Variants in RANBP2 observed in about 807,000 individuals in gnomAD.
RANBP2 encodes RAN binding protein 2.
A neutral mutation model predicts 303.6 loss-of-function variants in RANBP2; 57 were observed. The observed-to-expected ratio is 0.19, with a 90% CI of 0.15 to 0.23. The LOEUF is 0.23. Ranked by LOEUF, RANBP2 falls within the 10% of genes least tolerant of loss-of-function variation. The probability of loss-of-function intolerance (pLI) is 1.00; values close to 1 mark genes in which losing one functional copy is unlikely to be tolerated. For missense variants in RANBP2, 3,138 were observed against 3,780.8 expected (o/e 0.83, Z 4.46); for synonymous variants, 1,167 against 1,301.5 (o/e 0.90, Z 2.23).
the RANBP2 span, among the ~76,000 whole-genome samples, chr2:109,674,496 G>A: frequency 6.6e-6 from 1 of 151,218 alleles, no homozygotes; most frequent in African/African-American, 2.4e-5. Context: ...AGGCGGGATT[G>A]CTTGAGCCCA....
At chr2:109,614,494 A>C in the RANBP2 span, 1 of 1,239,310 alleles carries the variant, frequency 8.1e-7, no homozygotes, top group East Asian at 3.3e-5. Context: ...TCGAGGATGG[A>C]GGGGCCGGCA....
the RANBP2 span, among the ~76,000 whole-genome samples, chr2:109,312,347 C>A: frequency 6.6e-6 from 1 of 152,082 alleles, no homozygotes; most frequent in Non-Finnish European, 1.5e-5. Context: ...ACAAGTTTAA[C>A]GGGTTTTTTA....
chr2:109,087,403 A>C, the RANBP2 span, among the ~76,000 whole-genome samples: 2 of 152,112 alleles, frequency 1.3e-5, no homozygotes, highest in Non-Finnish European at 2.9e-5. Context: ...AGATGTAGCA[A>C]CGGACGCGCC....
At chr2:109,148,063 G>A in the RANBP2 span, among the ~76,000 whole-genome samples, 147 of 152,256 alleles carry the variant, frequency 9.7e-4, no homozygotes, top group African/African-American at 3.4e-3. Context: ...TGTGGAATTC[G>A]AGTTCAGGGA....
At chr2:108,870,023 A>G in the RANBP2 span, among the ~76,000 whole-genome samples, 4 of 152,230 alleles carry the variant, frequency 2.6e-5, no homozygotes, top group African/African-American at 7.2e-5. Flanking sequence ...AATATGCTCA[A>G]TGAGCTAATG....
At chr2:109,049,366 A>C in the RANBP2 span, among the ~76,000 whole-genome samples, 1,970 of 152,242 alleles carry the variant, frequency 0.013, 50 homozygotes, top group African/African-American at 0.046. Context: ...TGCCCCTGGG[A>C]GGCGTGTTAG....
chr2:109,514,858 C>T, the RANBP2 span, among the ~76,000 whole-genome samples: 3 of 152,262 alleles, frequency 2.0e-5, no homozygotes, highest in South Asian at 4.1e-4. Context: ...TTTCTCACTG[C>T]CTCCTCCTTT....
the RANBP2 span, chr2:109,449,297 C>T: frequency 6.2e-7 from 1 of 1,608,564 alleles, no homozygotes; most frequent in Non-Finnish European, 8.5e-7. Flanking sequence ...CCCCGCAGCA[C>T]AGCCACCAGC....
the RANBP2 span, among the ~76,000 whole-genome samples, chr2:109,524,469 A>AAAAAAAAAC: frequency 2.5e-5 from 2 of 80,844 alleles, no homozygotes; most frequent in African/African-American, 8.9e-5. Context: ...AAAAAAAACA[A>AAAAAAAAAC]AACAACACTG....
chr2:108,825,722 G>C, the RANBP2 span, among the ~76,000 whole-genome samples: 1 of 152,028 alleles, frequency 6.6e-6, no homozygotes, highest in Non-Finnish European at 1.5e-5. Flanking sequence ...TGGGTTGTTT[G>C]CATTTGTTGG....
the RANBP2 span, among the ~76,000 whole-genome samples, chr2:109,060,275 G>T: frequency 6.6e-6 from 1 of 152,168 alleles, no homozygotes; most frequent in Non-Finnish European, 1.5e-5. Flanking sequence ...GCAACATAAG[G>T]AAATGAGCTG....
At chr2:109,497,910 T>C in the RANBP2 span, among the ~76,000 whole-genome samples, 1 of 152,270 alleles carries the variant, frequency 6.6e-6, no homozygotes, top group Non-Finnish European at 1.5e-5. Flanking sequence ...CCTTCCTTTC[T>C]TTCCTTGGGG....
the RANBP2 span, among the ~76,000 whole-genome samples, chr2:109,101,607 C>T: frequency 6.6e-6 from 1 of 152,082 alleles, no homozygotes; most frequent in Admixed American, 6.5e-5. Context: ...AACAGTATTC[C>T]CATAGTTACT....
At chr2:109,265,026 C>A in the RANBP2 span, among the ~76,000 whole-genome samples, 2 of 152,226 alleles carry the variant, frequency 1.3e-5, no homozygotes, top group African/African-American at 4.8e-5. Flanking sequence ...GCCTGGGGAA[C>A]CTGGCCAGCT....
the RANBP2 span, among the ~76,000 whole-genome samples, chr2:108,814,310 G>A: frequency 6.6e-6 from 1 of 152,250 alleles, no homozygotes; most frequent in South Asian, 2.1e-4. Flanking sequence ...GACCCTTCCA[G>A]TGGGTGTGTA....
chr2:108,794,676 C>T, the RANBP2 span: 21 of 1,613,880 alleles, frequency 1.3e-5, no homozygotes, highest in South Asian at 2.2e-4. Context: ...CACATCAGAT[C>T]AGTCAGATAT....
chr2:108,904,427 C>G, the RANBP2 span, among the ~76,000 whole-genome samples: 13 of 152,230 alleles, frequency 8.5e-5, no homozygotes, highest in Non-Finnish European at 1.5e-4. Flanking sequence ...ATCAACCATG[C>G]AACTATCATA....
chr2:109,015,118 C>CAAAAAAA, the RANBP2 span, among the ~76,000 whole-genome samples: 80 of 68,810 alleles, frequency 1.2e-3, 1 homozygote, highest in East Asian at 1.8e-3. Context: ...GACTCCATCT[C>CAAAAAAA]AAAAAAAAAA....
At chr2:109,116,725 A>T in the RANBP2 span, among the ~76,000 whole-genome samples, 2 of 152,088 alleles carry the variant, frequency 1.3e-5, no homozygotes, top group African/African-American at 4.8e-5. Context: ...CAGAGTTTCC[A>T]GTTTTTCTGC....
Sources: allele counts gnomAD v4.1 joint callset (sites outside exome capture counted in the v4.1 genomes callset), GRCh38; gene constraint gnomAD v4.1.1; transcripts MANE v1.5; gene names NCBI Gene and HGNC (gene_info 2026-07-23, HGNC 2026-07-21).